The following WWOX variants were observed in gnomAD, a reference collection of about 807,000 sequenced individuals.
WWOX encodes the protein WW domain-containing oxidoreductase.
Under a neutral mutation model 46.2 loss-of-function variants are expected in WWOX, and 69 were observed. That is an observed-to-expected ratio of 1.49 (90% confidence interval 1.23 to 1.82). WWOX has a LOEUF of 1.82. Among genes scored for constraint, WWOX ranks in the 40% most tolerant of loss-of-function variants. WWOX has a pLI of 0.00. For synonymous variants in WWOX, 359 were observed against 202.6 expected (o/e 1.77, Z -6.56); for missense variants, 919 against 542.6 (o/e 1.69, Z -6.89).
chr16:79,132,626 T>G (rs757751620), intron 8 of WWOX, among the ~76,000 whole-genome samples: 3 of 152,330 alleles, frequency 2.0e-5, no homozygotes, highest in Non-Finnish European at 4.4e-5. Context: ...ACATCGCTTT[T>G]CTTTTTTTAA....
chr16:78,659,771 T>C (rs41362151), intron 8 of WWOX, among the ~76,000 whole-genome samples: 4,202 of 152,270 alleles, frequency 0.028, 176 homozygotes, highest in African/African-American at 0.096. Flanking sequence ...GAAAGTGTCA[T>C]GTCAAAGATA....
At chr16:78,576,778 C>G (rs2044891829) in intron 8 of WWOX, among the ~76,000 whole-genome samples, 2 of 152,178 alleles carry the variant, frequency 1.3e-5, no homozygotes, top group South Asian at 2.1e-4. Context: ...CTGCAATGAG[C>G]TATGATTGTG....
intron 8 of WWOX, among the ~76,000 whole-genome samples, chr16:78,746,899 G>A (rs1018443684): frequency 6.6e-6 from 1 of 152,008 alleles, no homozygotes; most frequent in Non-Finnish European, 1.5e-5. Flanking sequence ...GCAGTATTTT[G>A]GCAGTAGCTG....
rs569158931 is a variant in WWOX at position 78,797,813 on chromosome 16, C to G, written c.1056+365061C>G. On this transcript the variant is annotated intron_variant, in intron 8 of 8. Transcript: ENST00000566780. ...GAACAGTCTGGGCAACATAGCAAGT[C>G]TCTGTCTCTACAAAAAATACAAAAA... 2.0e-4 allele frequency among the ~76,000 whole-genome samples: 30 copies of G among 152,284 alleles called. No individual in the cohort carries two copies. The East Asian group carries it at 5.6e-3, about 28-fold the overall frequency.
chr16:79,141,100 T>C (rs2050080506), intron 8 of WWOX, among the ~76,000 whole-genome samples: 1 of 152,178 alleles, frequency 6.6e-6, no homozygotes, highest in Non-Finnish European at 1.5e-5. Flanking sequence ...TGCCTCCCAT[T>C]CTACTCGAAG....
chr16:78,918,418 T>C (rs1267122273), intron 8 of WWOX, among the ~76,000 whole-genome samples: 2 of 152,214 alleles, frequency 1.3e-5, no homozygotes, highest in Admixed American at 6.5e-5. Context: ...CTAGGTCGTG[T>C]CCTATCCCTT....
rs185559839 is a variant in WWOX at position 78,311,188 on chromosome 16, T to C, written c.517-75672T>C. On this transcript the variant is annotated intron_variant, in intron 5 of 8. Coordinates refer to ENST00000566780, the MANE Select transcript of WWOX (RefSeq NM_016373.4). ...AATTTCTGGCAGCTTTGTGGGCATT[T>C]ATTATGTCTAGGTGGCACAGTGTGG... 4.5e-3 allele frequency among the ~76,000 whole-genome samples: 690 copies of C among 152,266 alleles called. 3 individuals carry two copies. Among genetic ancestry groups the C allele is most frequent in the Non-Finnish European group, 6.5e-3 (441 of 68,026 alleles).
intron 8 of WWOX, among the ~76,000 whole-genome samples, chr16:78,785,966 G>T: frequency 6.6e-6 from 1 of 152,096 alleles, no homozygotes; most frequent in East Asian, 1.9e-4. Flanking sequence ...GAGTGCAGTG[G>T]CGCGATCTCT....
At chr16:78,865,484 T>G (rs777775487) in intron 8 of WWOX, among the ~76,000 whole-genome samples, 1 of 152,254 alleles carries the variant, frequency 6.6e-6, no homozygotes, top group African/African-American at 2.4e-5. Context: ...AAATGCTCCC[T>G]GAACCTCAGT....
intron 8 of WWOX, among the ~76,000 whole-genome samples, chr16:78,615,101 T>G (rs12599563): frequency 0.15 from 22,188 of 152,218 alleles, 1,806 homozygotes; most frequent in African/African-American, 0.21. Context: ...AAATTCTATG[T>G]GTAAAATAAT....
intron 8 of WWOX, among the ~76,000 whole-genome samples, chr16:78,632,978 G>C (rs983243316): frequency 6.6e-6 from 1 of 152,068 alleles, no homozygotes; most frequent in Non-Finnish European, 1.5e-5. Context: ...AAGAAGTTAA[G>C]GTGGCCAGGC....
chr16:78,877,007 T>A (rs190876608), intron 8 of WWOX, among the ~76,000 whole-genome samples: 1 of 152,176 alleles, frequency 6.6e-6, no homozygotes, highest in Non-Finnish European at 1.5e-5. Context: ...TGGTTCCTAT[T>A]TCTGCTGGTT....
chr16:78,788,462 C>G (rs183729863), intron 8 of WWOX, among the ~76,000 whole-genome samples: 1 of 152,280 alleles, frequency 6.6e-6, no homozygotes, highest in Non-Finnish European at 1.5e-5. Context: ...CTGCCTTATG[C>G]CCTGGGGAAA....
chr16:78,203,079 A>G (rs941075777), intron 5 of WWOX, among the ~76,000 whole-genome samples: 9 of 152,204 alleles, frequency 5.9e-5, no homozygotes, highest in Admixed American at 3.3e-4. Flanking sequence ...GCCTCAGCCT[A>G]TCCTTGAACT....
rs571007157 is a variant in WWOX at position 78,915,982 on chromosome 16, C to T, written c.1057-295626C>T. 5.3e-4 allele frequency among the ~76,000 whole-genome samples: 80 copies of T among 152,288 alleles called. No individual in the cohort carries two copies. The South Asian group carries it at 0.016, about 31-fold the overall frequency. On this transcript the variant is annotated intron_variant, in intron 8 of 8. Transcript: ENST00000566780. ...TGAAGGCCAATAGATGATAGTGGGG[C>T]CTCAGATTTCCCACCTATTGTTTTG...
chr16:79,029,351 A>C (rs1216424689), intron 8 of WWOX, among the ~76,000 whole-genome samples: 1 of 152,230 alleles, frequency 6.6e-6, no homozygotes. Flanking sequence ...TATGCAGTCT[A>C]CATGCCTGTT....
At chr16:78,639,380 T>A (rs1186664179) in intron 8 of WWOX, among the ~76,000 whole-genome samples, 1 of 152,150 alleles carries the variant, frequency 6.6e-6, no homozygotes, top group Non-Finnish European at 1.5e-5. Context: ...ATAACAGACC[T>A]GTGGGCTCAG....
chr16:79,093,851 C>A (rs868603805), intron 8 of WWOX, among the ~76,000 whole-genome samples: 1 of 152,194 alleles, frequency 6.6e-6, no homozygotes, highest in Non-Finnish European at 1.5e-5. Flanking sequence ...AAAGGGGAAC[C>A]GAGTGACTCA....
intron 8 of WWOX, among the ~76,000 whole-genome samples, chr16:78,792,895 G>A (rs914697554): frequency 6.6e-6 from 1 of 152,132 alleles, no homozygotes; most frequent in African/African-American, 2.4e-5. Flanking sequence ...GAAGGACAGA[G>A]TGCTGTACAG....
Sources: gnomAD v4.1 joint callset for allele counts (sites outside exome capture counted in the v4.1 genomes callset) on GRCh38, gnomAD v4.1.1 for gene constraint, MANE v1.5 for transcripts, NCBI Gene and HGNC (gene_info 2026-07-23, HGNC 2026-07-21) for gene names.